The following RORB variants were observed in gnomAD, a reference collection of about 807,000 sequenced individuals.
The protein encoded by RORB is nuclear receptor ROR-beta.
A neutral mutation model predicts 59.1 loss-of-function variants in RORB; 6 were observed. The ratio of observed to expected loss-of-function variants is 0.10; its 90% confidence interval spans 0.06 to 0.20. The LOEUF is 0.20. Among genes scored for constraint, RORB ranks in the 10% least tolerant of loss-of-function variants. The pLI, the probability that RORB is intolerant of heterozygous loss-of-function variation, is 1.00. For synonymous variants in RORB, 215 were observed against 204.5 expected, an observed-to-expected ratio of 1.05 and a Z score of -0.44; for missense variants, 320 against 560.5, an observed-to-expected ratio of 0.57 and a Z score of 4.33.
intron 4 of RORB, among the ~76,000 whole-genome samples, chr9:74,653,819 G>C (rs548500505): frequency 1.3e-5 from 2 of 152,042 alleles, no homozygotes; most frequent in East Asian, 3.9e-4. Flanking sequence ...TCTAGTGAGA[G>C]GTAAAATAAG....
intron 1 of RORB, among the ~76,000 whole-genome samples, chr9:74,561,103 A>G (rs758146538): frequency 1.6e-4 from 25 of 152,142 alleles, no homozygotes; most frequent in Middle Eastern, 3.4e-3. Context: ...TCTTCTACAT[A>G]CTCCCAGTGA....
chr9:74,668,143 G>A (rs988180869), intron 8 of RORB, among the ~76,000 whole-genome samples: 3 of 152,092 alleles, frequency 2.0e-5, no homozygotes, highest in African/African-American at 4.8e-5. Flanking sequence ...ATTCAGATAC[G>A]CAGAATCATT....
intron 1 of RORB, among the ~76,000 whole-genome samples, chr9:74,568,052 C>T (rs554503992): frequency 6.6e-6 from 1 of 152,314 alleles, no homozygotes; most frequent in Non-Finnish European, 1.5e-5. Flanking sequence ...TAATCTAACA[C>T]ATCATTCCCA....
intron 1 of RORB, among the ~76,000 whole-genome samples, chr9:74,581,870 C>T (rs1563943544): frequency 6.6e-6 from 1 of 152,144 alleles, no homozygotes; most frequent in Admixed American, 6.5e-5. Context: ...GCTTCAGAAA[C>T]TCAAAGGTGC....
At chr9:74,556,192 G>A (rs1402896849) in intron 1 of RORB, among the ~76,000 whole-genome samples, 1 of 152,108 alleles carries the variant, frequency 6.6e-6, no homozygotes, top group African/African-American at 2.4e-5. Context: ...ACTTCTGTAA[G>A]TCCTTGGAAC....
chr9:74,580,615 C>T (rs1822707669), intron 1 of RORB, among the ~76,000 whole-genome samples: 1 of 152,028 alleles, frequency 6.6e-6, no homozygotes, highest in Non-Finnish European at 1.5e-5. Flanking sequence ...TAGGAATATA[C>T]TTTTTTTCTG....
At chr9:74,513,615 A>G (rs1350287161) in intron 1 of RORB, among the ~76,000 whole-genome samples, 1 of 152,040 alleles carries the variant, frequency 6.6e-6, no homozygotes, top group African/African-American at 2.4e-5. Flanking sequence ...GGTATAACCT[A>G]GTAACTAATA....
intron 6 of RORB, among the ~76,000 whole-genome samples, chr9:74,664,715 A>G (rs963459780): frequency 6.6e-6 from 1 of 152,224 alleles, no homozygotes; most frequent in Non-Finnish European, 1.5e-5. Context: ...AAGGAAATAA[A>G]ACAGAGACAT....
chr9:74,649,190 C>T (rs1345963258), intron 4 of RORB, among the ~76,000 whole-genome samples: 2 of 152,024 alleles, frequency 1.3e-5, no homozygotes, highest in African/African-American at 2.4e-5. Context: ...CCTCAGGTAA[C>T]ACACCCGCCT....
At position 74,548,900 on chromosome 9, in the gene RORB, G is replaced by C. The variant is rs185958961; in HGVS notation, c.7+50917G>C. On this transcript the variant is annotated intron_variant, in intron 1 of 9. Coordinates refer to ENST00000376896, the MANE Select transcript of RORB (RefSeq NM_006914.4). ...AACTTTCATGGTGATCCGTAATATG[G>C]ATAATACCTCTTATGTGTTTAATAA... Among the ~76,000 whole-genome samples the C allele has an allele frequency of 2.9e-4, 44 of 152,006 alleles. No individual in the cohort carries two copies. In the East Asian group the frequency reaches 8.3e-3, roughly 29 times the overall value.
At chr9:74,589,779 A>C (rs1351236147) in intron 1 of RORB, among the ~76,000 whole-genome samples, 1 of 152,082 alleles carries the variant, frequency 6.6e-6, no homozygotes, top group Non-Finnish European at 1.5e-5. Context: ...ACTCCACCCA[A>C]ACCACAAGCA....
At chr9:74,542,113 T>C (rs1826416042) in intron 1 of RORB, among the ~76,000 whole-genome samples, 1 of 152,036 alleles carries the variant, frequency 6.6e-6, no homozygotes, top group African/African-American at 2.4e-5. Flanking sequence ...CTTCAAAGAA[T>C]TCACACAAAG....
chr9:74,511,389 T>C (rs1825937358), intron 1 of RORB, among the ~76,000 whole-genome samples: 2 of 152,142 alleles, frequency 1.3e-5, no homozygotes, highest in African/African-American at 4.8e-5. Context: ...ATAAAACTGT[T>C]AGAAATCACC....
intron 1 of RORB, among the ~76,000 whole-genome samples, chr9:74,556,289 A>G (rs1478020521): frequency 1.3e-5 from 2 of 152,228 alleles, no homozygotes; most frequent in Non-Finnish European, 2.9e-5. Flanking sequence ...TAGAAACACA[A>G]GGGCCTCTGC....
At chr9:74,680,414 A>C (rs572061274) in intron 9 of RORB, among the ~76,000 whole-genome samples, 72 of 152,224 alleles carry the variant, frequency 4.7e-4, no homozygotes, top group African/African-American at 1.7e-3. Flanking sequence ...TCCTTAGGTT[A>C]CTGGTAGTTT....
intron 9 of RORB, among the ~76,000 whole-genome samples, chr9:74,672,166 C>T (rs1824357624): frequency 1.3e-5 from 2 of 152,102 alleles, no homozygotes; most frequent in Admixed American, 6.6e-5. Flanking sequence ...GGTGTTTCAT[C>T]AGAAGAACAA....
rs747560957 is a variant in RORB, at chr9:74,688,225, A to T, written c.*2607A>T. On this transcript the variant is annotated 3_prime_UTR_variant, in exon 10 of 10. Transcript: ENST00000376896. ...GAAACAGAGCTAGCATCTGAACCAG[A>T]GCAAAACAATGGCAACCAGGACATA... is the stretch of plus-strand genomic sequence containing the variant. 6.6e-6 allele frequency: 1 copy of T among 152,226 alleles called. No individual in the cohort carries two copies. The allele number at this position is 152,226 out of a possible 1,614,324, so 9.4% of individuals were successfully genotyped here.
At chr9:74,518,554 C>A (rs755367193) in intron 1 of RORB, among the ~76,000 whole-genome samples, 1 of 151,898 alleles carries the variant, frequency 6.6e-6, no homozygotes, top group Non-Finnish European at 1.5e-5. Flanking sequence ...ATGCAGCCTG[C>A]GCAAGTCACC....
chr9:74,549,645 G>A (rs1826574298), intron 1 of RORB, among the ~76,000 whole-genome samples: 1 of 149,748 alleles, frequency 6.7e-6, no homozygotes, highest in African/African-American at 2.5e-5. Context: ...AAGAAAGAAA[G>A]AAAGAGAGAA....
Sources: gnomAD v4.1 joint callset for allele counts (sites outside exome capture counted in the v4.1 genomes callset) on GRCh38, gnomAD v4.1.1 for gene constraint, MANE v1.5 for transcripts, NCBI Gene and HGNC (gene_info 2026-07-23, HGNC 2026-07-21) for gene names.